ARHGEF28: variants seen among roughly 807,000 people sequenced by gnomAD.
ARHGEF28 encodes Rho guanine nucleotide exchange factor 28.
ARHGEF28 carries 152 observed loss-of-function variants against 206.6 expected under a neutral mutation model. The observed-to-expected ratio is 0.74, with a 90% CI of 0.64 to 0.84. The LOEUF (loss-of-function observed/expected upper bound fraction) is 0.84, where lower values mean the gene tolerates loss of function less well. Among genes scored for constraint, ARHGEF28 ranks in the 40% least tolerant of loss-of-function variants. ARHGEF28 has a pLI of 0.00. For missense variants in ARHGEF28, 2,028 were observed against 2,073.2 expected, an observed-to-expected ratio of 0.98 and a Z score of 0.42; for synonymous variants, 763 against 776.4, an observed-to-expected ratio of 0.98 and a Z score of 0.29.
intron 1 of ARHGEF28, among the ~76,000 whole-genome samples, chr5:73,674,517 C>T (rs995418250): frequency 1.1e-4 from 16 of 152,188 alleles, no homozygotes; most frequent in African/African-American, 3.6e-4. Flanking sequence ...GTGAAACATA[C>T]ACGGTATTTT....
At chr5:73,782,395 G>T (rs1251952295) in intron 7 of ARHGEF28, among the ~76,000 whole-genome samples, 1 of 152,060 alleles carries the variant, frequency 6.6e-6, no homozygotes, top group Admixed American at 6.6e-5. Flanking sequence ...CTGAGATTGC[G>T]CCACTGCATT....
At chr5:73,798,100 G>A (rs1202986274) in intron 9 of ARHGEF28, among the ~76,000 whole-genome samples, 2 of 152,026 alleles carry the variant, frequency 1.3e-5, no homozygotes, top group African/African-American at 4.8e-5. Context: ...AAGTTGTTGT[G>A]GTACATTGGA....
At chr5:73,931,016 C>T (rs1195811197) in intron 35 of ARHGEF28, among the ~76,000 whole-genome samples, 1 of 152,168 alleles carries the variant, frequency 6.6e-6, no homozygotes, top group Non-Finnish European at 1.5e-5. Context: ...TCTCCAGGCC[C>T]TCCCTAAGAA....
At chr5:73,687,861 C>G (rs1415766507) in intron 2 of ARHGEF28, among the ~76,000 whole-genome samples, 1 of 152,016 alleles carries the variant, frequency 6.6e-6, no homozygotes, top group Non-Finnish European at 1.5e-5. Context: ...AGAGTTTTAT[C>G]TATATCTCTG....
chr5:73,686,700 T>C (rs1747499193), intron 2 of ARHGEF28, among the ~76,000 whole-genome samples: 2 of 151,806 alleles, frequency 1.3e-5, no homozygotes, highest in Non-Finnish European at 1.5e-5. Context: ...TTTTGTATGT[T>C]TTTAGTACAG....
intron 1 of ARHGEF28, among the ~76,000 whole-genome samples, chr5:73,632,440 A>C (rs1010191365): frequency 6.6e-6 from 1 of 152,238 alleles, no homozygotes; most frequent in Non-Finnish European, 1.5e-5. Context: ...ATGGTTGACC[A>C]GTCTGTCCTT....
At chr5:73,780,545 C>A in intron 6 of ARHGEF28, 131 bp from the exon 7 acceptor site, 1 of 927,776 alleles carries the variant, frequency 1.1e-6, no homozygotes, top group Non-Finnish European at 1.6e-6. Flanking sequence ...CAGCGGCTTT[C>A]ACCCACCCTC....
rs780172485 is a variant in ARHGEF28, at chr5:73,795,388, T to A, written c.1021T>A (p.Leu341Met). 1 of 1,613,440 alleles carries A rather than the reference T, an allele frequency of 6.2e-7. No individual in the cohort carries two copies. The highest frequency in any genetic ancestry group is 1.1e-5 in the South Asian group (1 of 91,050). The change falls in exon 9 of 36, where the codon TTG becomes ATG. Residue 341 changes from leucine to methionine, a missense_variant. By Grantham distance (15) the Leu-to-Met change is conservative. Coordinates refer to ENST00000513042, the MANE Select transcript of ARHGEF28 (RefSeq NM_001177693.2). ...ACATGAAGACCAGCACAGCCTAGAT[T>A]TGGGTATGAAATAACGCTTTTACCT... The part of the protein sequence containing the change: ...NEHEDQHSLD[L>M]DRSFDILKKS...
chr5:73,921,471 G>A lies in ARHGEF28; in HGVS notation c.4948+9896G>A, dbSNP rs139460552. On this transcript the variant is annotated intron_variant, in intron 35 of 35. Coordinates refer to ENST00000513042, the MANE Select transcript of ARHGEF28 (RefSeq NM_001177693.2). ...GGCCACAGTATCCATTCTCTTTCTG[G>A]ATAAGATATTAATTCAGTTTAATTT... is the stretch of plus-strand genomic sequence containing the variant. Among the ~76,000 whole-genome samples the A allele has an allele frequency of 4.0e-5, 6 of 151,674 alleles. No homozygotes were observed. The East Asian group carries it at 1.2e-3, about 29-fold the overall frequency.
In ARHGEF28 at chr5:73,824,926, C is replaced by T. The variant is rs181970341; in HGVS notation, c.1025-7412C>T. On this transcript the variant is annotated intron_variant, in intron 9 of 35. Transcript: ENST00000513042. ...TGAATGAAAGAAGACAGTGACACTCCCATCACAACGTGTAGCAAGGAGAGC... is the reference window on the plus strand; with the variant it reads ...TGAATGAAAGAAGACAGTGACACTCTCATCACAACGTGTAGCAAGGAGAGC... Among the ~76,000 whole-genome samples the T allele has an allele frequency of 1.7e-3, 266 of 152,210 alleles. 3 individuals are homozygous for T. The highest frequency in any genetic ancestry group is 6.2e-3 in the African/African-American group (258 of 41,542).
At chr5:73,634,441 G>A (rs1173488561) in intron 1 of ARHGEF28, among the ~76,000 whole-genome samples, 1 of 152,164 alleles carries the variant, frequency 6.6e-6, no homozygotes, top group Non-Finnish European at 1.5e-5. Context: ...GCACACACTG[G>A]CTCCAAAATG....
chr5:73,853,649 A>G (rs1295581113), intron 14 of ARHGEF28, among the ~76,000 whole-genome samples: 2 of 152,230 alleles, frequency 1.3e-5, no homozygotes, highest in Non-Finnish European at 2.9e-5. Flanking sequence ...CTTCGTGACA[A>G]TGGCAATGAG....
intron 2 of ARHGEF28, among the ~76,000 whole-genome samples, chr5:73,736,729 C>T (rs896405868): frequency 1.3e-5 from 2 of 151,962 alleles, no homozygotes; most frequent in African/African-American, 4.8e-5. Flanking sequence ...GAGATTGCTT[C>T]AGTAACATCT....
intron 4 of ARHGEF28, among the ~76,000 whole-genome samples, chr5:73,772,745 A>G (rs1427189549): frequency 6.6e-6 from 1 of 152,194 alleles, no homozygotes; most frequent in Non-Finnish European, 1.5e-5. Flanking sequence ...GAGCTTGATC[A>G]GGACTCGGGA....
In ARHGEF28 at chr5:73,940,884, C is replaced by T. The variant is rs1260295405; in HGVS notation, c.4989C>T (p.Asp1663=). ...TSHTESPTPH[D]SNSHRPQLQA... is the part of the protein sequence containing the mutation. ...ACACTGAGTCCCCAACCCCCCATGA[C>T]TCAAATTCACACCGCCCTCAACTGC... Residue 1663 remains aspartate, a synonymous_variant, in exon 36 of 36, where the codon GAC becomes GAT. Transcript: ENST00000513042. 2.0e-6 allele frequency: 3 copies of T among 1,532,178 alleles called. No individual in the cohort carries two copies. Among genetic ancestry groups the T allele is most frequent in the East Asian group, 2.5e-5 (1 of 40,580 alleles). The allele number at this position is 1,532,178 out of a possible 1,614,324, so 94.9% of individuals were successfully genotyped here.
chr5:73,699,070 G>A (rs1748411875), intron 2 of ARHGEF28, among the ~76,000 whole-genome samples: 1 of 152,120 alleles, frequency 6.6e-6, no homozygotes, highest in Admixed American at 6.5e-5. Context: ...TTCTTTGAGT[G>A]TAGAGAAGAA....
In ARHGEF28 at chr5:73,866,153, A is replaced by G; in HGVS notation, c.2152+140A>G. On this transcript the variant is annotated intron_variant, in intron 18 of 35. Coordinates refer to ENST00000513042, the MANE Select transcript of ARHGEF28 (RefSeq NM_001177693.2). ...ATAACATATGCTTGGCATGATTTTT[A>G]GTTCTATAAAGTCGTCAAGAAGGCT... 8.6e-6 allele frequency: 7 copies of G among 811,428 alleles called. No homozygotes were observed. In the South Asian group the frequency reaches 1.4e-4, roughly 16 times the overall value. The allele number at this position is 811,428 out of a possible 1,614,324, so 50.3% of individuals were successfully genotyped here.
chr5:73,804,476 C>T (rs1466256317), intron 9 of ARHGEF28, among the ~76,000 whole-genome samples: 1 of 152,312 alleles, frequency 6.6e-6, no homozygotes, highest in East Asian at 1.9e-4. Context: ...ATCGGTTCCA[C>T]AAACATTTAG....
At chr5:73,923,150 C>T (rs1309940038) in intron 35 of ARHGEF28, 2 of 1,535,830 alleles carry the variant, frequency 1.3e-6, no homozygotes, top group South Asian at 1.2e-5. Context: ...ACTGGAACCA[C>T]ATCTACTTTG....
Sources: gnomAD v4.1 joint callset for allele counts (sites outside exome capture counted in the v4.1 genomes callset) on GRCh38, gnomAD v4.1.1 for gene constraint, MANE v1.5 for transcripts, NCBI Gene and HGNC (gene_info 2026-07-23, HGNC 2026-07-21) for gene names.